EGFLAM: variants seen among roughly 807,000 people sequenced by gnomAD.
EGFLAM encodes EGF like, fibronectin type III and laminin G domains.
EGFLAM carries 79 observed loss-of-function variants against 113.1 expected under a neutral mutation model. That is an observed-to-expected ratio of 0.70 (90% CI 0.58 to 0.84). The LOEUF is 0.84. Ranked by LOEUF, EGFLAM falls within the 40% of genes least tolerant of loss-of-function variation. The probability of loss-of-function intolerance (pLI) is 0.00; values close to 1 mark genes in which losing one functional copy is unlikely to be tolerated. For missense variants in EGFLAM, 1,265 were observed against 1,291.6 expected, an observed-to-expected ratio of 0.98 and a Z score of 0.32; for synonymous variants, 504 against 487.6, an observed-to-expected ratio of 1.03 and a Z score of -0.44.
intron 1 of EGFLAM, among the ~76,000 whole-genome samples, chr5:38,306,878 T>G (rs1221648213): frequency 6.6e-6 from 1 of 152,202 alleles, no homozygotes; most frequent in Admixed American, 6.5e-5. Context: ...AGAATTATAC[T>G]GTGGGGAAGC....
At chr5:38,265,683 A>G (rs1757615908) in intron 1 of EGFLAM, among the ~76,000 whole-genome samples, 1 of 152,070 alleles carries the variant, frequency 6.6e-6, no homozygotes, top group Non-Finnish European at 1.5e-5. Flanking sequence ...TCCTTGCAGA[A>G]CCCCTCATGG....
chr5:38,464,349 A>C lies in EGFLAM; in HGVS notation c.*363A>C. On this transcript the variant is annotated 3_prime_UTR_variant, in exon 22 of 22. Transcript: ENST00000322350. ...TTAAAAAGAGAGAGAGAGAGAAAGA[A>C]TCCCACAGGGCACTATTAAAATACT... The C allele has an allele frequency of 5.1e-6, 1 of 197,486 alleles. No homozygotes were observed. Among genetic ancestry groups the C allele is most frequent in the South Asian group, 1.4e-4 (1 of 7,368 alleles). The allele number at this position is 197,486 out of a possible 1,614,324, so 12.2% of individuals were successfully genotyped here.
intron 5 of EGFLAM, among the ~76,000 whole-genome samples, chr5:38,357,864 C>A (rs371319384): frequency 2.6e-5 from 3 of 115,808 alleles, no homozygotes; most frequent in Non-Finnish European, 5.6e-5. Flanking sequence ...AACAAATTTT[C>A]TTTTTTTTTT....
intron 1 of EGFLAM, among the ~76,000 whole-genome samples, chr5:38,294,243 T>C (rs540447697): frequency 2.2e-4 from 33 of 152,278 alleles, no homozygotes; most frequent in African/African-American, 7.0e-4. Flanking sequence ...CTCATGGCAA[T>C]GACAGAGGCA....
In EGFLAM at chr5:38,370,328, A is replaced by G. The variant is rs1579831077; in HGVS notation, c.578A>G (p.His193Arg). 1 of 1,614,178 alleles carries G rather than the reference A, an allele frequency of 6.2e-7. No individual in the cohort carries two copies. Among genetic ancestry groups the G allele is most frequent in the Non-Finnish European group, 8.5e-7 (1 of 1,180,020 alleles). Residue 193 changes from histidine to arginine, a missense_variant, in exon 6 of 22, where the codon CAT (histidine) becomes CGT (arginine). By Grantham distance (29) the His-to-Arg change is conservative. Coordinates refer to ENST00000322350, the MANE Select transcript of EGFLAM (RefSeq NM_152403.4). ...PDFDKKWTSI[H>R]ERIQMDSMVI... The stretch of plus-strand genomic sequence containing the variant: ...TTCGACAAGAAGTGGACCTCAATCC[A>G]TGAGCGGATCCAGATGGACTCCATG...
intron 1 of EGFLAM, among the ~76,000 whole-genome samples, chr5:38,283,352 G>C (rs1758070316): frequency 1.3e-5 from 2 of 152,254 alleles, no homozygotes; most frequent in Middle Eastern, 3.4e-3. Context: ...CATTGCTTAT[G>C]ATTATACCCT....
intron 1 of EGFLAM, among the ~76,000 whole-genome samples, chr5:38,263,417 G>A (rs1298722741): frequency 2.0e-5 from 3 of 152,102 alleles, no homozygotes; most frequent in Non-Finnish European, 1.5e-5. Context: ...AGCCAAGATC[G>A]CACCACTGCA....
At chr5:38,311,186 A>C (rs1738432497) in intron 1 of EGFLAM, among the ~76,000 whole-genome samples, 1 of 152,180 alleles carries the variant, frequency 6.6e-6, no homozygotes, top group Non-Finnish European at 1.5e-5. Flanking sequence ...CTATCAACAC[A>C]CATACTTATC....
chr5:38,302,212 G>T (rs1369706324), intron 1 of EGFLAM, among the ~76,000 whole-genome samples: 2 of 150,052 alleles, frequency 1.3e-5, no homozygotes, highest in Non-Finnish European at 2.9e-5. Flanking sequence ...ACTCCGGCCT[G>T]GGTGACAGAG....
Position 38,302,635 on chromosome 5 carries a change from C to T in EGFLAM, c.98-34885C>T, listed in dbSNP as rs143864198. 4.8e-3 allele frequency among the ~76,000 whole-genome samples: 725 copies of T among 151,132 alleles called. 3 individuals are homozygous for T. Among genetic ancestry groups the T allele is most frequent in the Non-Finnish European group, 7.8e-3 (528 of 67,922 alleles). On this transcript the variant is annotated intron_variant, in intron 1 of 21. Coordinates refer to ENST00000322350, the MANE Select transcript of EGFLAM (RefSeq NM_152403.4). The stretch of plus-strand genomic sequence containing the variant: ...TCATTTTCCCCCAACAGTTCAGAAG[C>T]ACTTCCGCACACAGACTCTTGACAT...
In EGFLAM at chr5:38,397,791, C is replaced by A. The variant is rs369298274; in HGVS notation, c.713-8335C>A. 4.3e-4 allele frequency among the ~76,000 whole-genome samples: 65 copies of A among 151,930 alleles called. No homozygotes were observed. In the South Asian group the frequency reaches 0.013, roughly 32 times the overall value. On this transcript the variant is annotated intron_variant, in intron 6 of 21. Transcript: ENST00000322350. ...ACTGTCATTTGACTCTCCCTACCCC[C>A]ACCCCATGAGCAAAGGGGACTTAAA...
At chr5:38,398,472 C>G (rs190093357) in intron 6 of EGFLAM, among the ~76,000 whole-genome samples, 22 of 152,258 alleles carry the variant, frequency 1.4e-4, no homozygotes, top group Non-Finnish European at 2.4e-4. Context: ...TGAGAACATA[C>G]CTTGTCTGGG....
chr5:38,347,531 C>T (rs536663799), intron 3 of EGFLAM, among the ~76,000 whole-genome samples: 6 of 152,190 alleles, frequency 3.9e-5, no homozygotes, highest in African/African-American at 1.4e-4. Context: ...CTCAGCTGAT[C>T]TGAGTCATGA....
chr5:38,375,733 A>G (rs1740348958), intron 6 of EGFLAM, among the ~76,000 whole-genome samples: 1 of 152,176 alleles, frequency 6.6e-6, no homozygotes, highest in Non-Finnish European at 1.5e-5. Context: ...GTTTTCATTA[A>G]CTGGCACTTA....
At chr5:38,408,078 A>T (rs985731791) in intron 9 of EGFLAM, among the ~76,000 whole-genome samples, 173 bp downstream of exon 9, 1 of 152,212 alleles carries the variant, frequency 6.6e-6, no homozygotes, top group African/African-American at 2.4e-5. Flanking sequence ...TGAAGAGTAC[A>T]TTCACAACAT....
intron 1 of EGFLAM, among the ~76,000 whole-genome samples, chr5:38,327,929 C>A (rs2111914387): frequency 6.6e-6 from 1 of 152,322 alleles, no homozygotes; most frequent in Non-Finnish European, 1.5e-5. Flanking sequence ...AGGTGATACA[C>A]CATACTTGGC....
At position 38,408,040 on chromosome 5, in the gene EGFLAM, T is replaced by C. The variant is rs1741351596; in HGVS notation, c.1248+135T>C. 4.7e-6 allele frequency: 3 copies of C among 634,430 alleles called. 1 individual carries two copies. In the South Asian group the frequency reaches 5.7e-5, roughly 12 times the overall value. The allele number at this position is 634,430 out of a possible 1,614,324, so 39.3% of individuals were successfully genotyped here. ...AGGTAAATATGACACAGAGCCTGTC[T>C]CTAAACCAGCTCATGAGACAATAGG... On this transcript the variant is annotated intron_variant, in intron 9 of 21. Coordinates refer to ENST00000322350, the MANE Select transcript of EGFLAM (RefSeq NM_152403.4).
At chr5:38,279,672 C>T (rs1757968815) in intron 1 of EGFLAM, among the ~76,000 whole-genome samples, 1 of 152,108 alleles carries the variant, frequency 6.6e-6, no homozygotes, top group Admixed American at 6.5e-5. Context: ...AAAAGTTGAT[C>T]TCATAGCACT....
At chr5:38,406,275 G>A (rs1414007071) in intron 7 of EGFLAM, 34 bp downstream of exon 7, 1 of 1,587,696 alleles carries the variant, frequency 6.3e-7, no homozygotes, top group Non-Finnish European at 8.6e-7. Context: ...AACCCAGGGT[G>A]TTTGTGTTTT....
Sources: gnomAD v4.1 joint callset for allele counts (sites outside exome capture counted in the v4.1 genomes callset) on GRCh38, gnomAD v4.1.1 for gene constraint, MANE v1.5 for transcripts, NCBI Gene and HGNC (gene_info 2026-07-23, HGNC 2026-07-21) for gene names.